RPN2: variants seen among roughly 807,000 people sequenced by gnomAD.
The protein encoded by RPN2 is dolichyl-diphosphooligosaccharide--protein glycosyltransferase subunit 2.
RPN2 carries 29 observed loss-of-function variants against 71.4 expected under a neutral mutation model. The ratio of observed to expected loss-of-function variants is 0.41; its 90% CI spans 0.30 to 0.55. The LOEUF is 0.55. Ranked by LOEUF, RPN2 falls within the 20% of genes least tolerant of loss-of-function variation. The pLI, the probability that RPN2 is intolerant of heterozygous loss-of-function variation, is 0.35. For missense variants in RPN2, 726 were observed against 774.1 expected (o/e 0.94, Z 0.74); for synonymous variants, 308 against 305.0 (o/e 1.01, Z -0.10).
Position 37,199,036 on chromosome 20 carries a change from C to T in RPN2, c.304-14C>T. On this transcript the variant is annotated splice_polypyrimidine_tract_variant and intron_variant, in intron 3 of 16. Coordinates refer to ENST00000237530, the MANE Select transcript of RPN2 (RefSeq NM_002951.5). ...ACCTGTTCTAAAACTCTGTGTCTGC[C>T]AATTCTTTCTTAGATCTCTATTTCA... The T allele has an allele frequency of 6.2e-7, 1 of 1,608,798 alleles. No homozygotes were observed. The highest frequency in any genetic ancestry group is 8.5e-7 in the Non-Finnish European group (1 of 1,175,486).
In RPN2 at chr20:37,187,394, T is replaced by C. The variant is rs1782146910; in HGVS notation, c.207+3021T>C. ...GCGGGCGCCTGTAGTCCCAGCTACTTGGGAGGCTGAGGCAGGAGAATGGCG... is the reference window on the plus strand; with the variant it reads ...GCGGGCGCCTGTAGTCCCAGCTACTCGGGAGGCTGAGGCAGGAGAATGGCG... On this transcript the variant is annotated intron_variant, in intron 2 of 16. Transcript: ENST00000237530. 7.4e-5 allele frequency among the ~76,000 whole-genome samples: 3 copies of C among 40,704 alleles called. 1 individual carries two copies. In the Admixed American group the frequency reaches 7.6e-4, roughly 10 times the overall value. The allele number at this position is 40,704 out of a possible 152,430, so 26.7% of individuals were successfully genotyped here. A position where few individuals can be genotyped will look rare whatever the true frequency, so the allele number is the denominator to read the frequency against.
chr20:37,238,277 A>G (rs1332209530), intron 16 of RPN2: 4 of 774,576 alleles, frequency 5.2e-6, no homozygotes, highest in Non-Finnish European at 9.1e-6. Flanking sequence ...CCTAGAATGA[A>G]CTCTACCCTG....
intron 4 of RPN2, among the ~76,000 whole-genome samples, chr20:37,202,414 A>T (rs1305521651): frequency 2.6e-5 from 4 of 152,194 alleles, no homozygotes; most frequent in African/African-American, 9.7e-5. Flanking sequence ...TGTTCTTGAC[A>T]TAAGCAGACA....
chr20:37,241,167 A>T, intron 16 of RPN2, 136 bp from the exon 17 acceptor site: 1 of 976,716 alleles, frequency 1.0e-6, no homozygotes, highest in African/African-American at 1.6e-5. Context: ...TAGACTTGGG[A>T]GATAAATGAT....
intron 9 of RPN2, among the ~76,000 whole-genome samples, chr20:37,216,771 CTT>C (rs1342978205): frequency 6.6e-6 from 1 of 152,088 alleles, no homozygotes; most frequent in African/African-American, 2.4e-5. Context: ...CCTCCAGTGT[CTT>C]TTGAACATTT....
intron 2 of RPN2, among the ~76,000 whole-genome samples, chr20:37,190,789 C>G (rs929166265): frequency 6.6e-6 from 1 of 152,188 alleles, no homozygotes; most frequent in Non-Finnish European, 1.5e-5. Flanking sequence ...ATACTCCATT[C>G]TAATTGCTTA....
intron 2 of RPN2, among the ~76,000 whole-genome samples, chr20:37,195,008 T>G (rs1453180881): frequency 6.6e-6 from 1 of 152,148 alleles, no homozygotes; most frequent in Non-Finnish European, 1.5e-5. Flanking sequence ...AAACCTATGA[T>G]GGAAGAAAGC....
intron 9 of RPN2, among the ~76,000 whole-genome samples, 174 bp downstream of exon 9, chr20:37,214,039 G>A (rs1484952515): frequency 6.6e-6 from 1 of 152,180 alleles, no homozygotes; most frequent in African/African-American, 2.4e-5. Context: ...AGTAGCTAAG[G>A]CAGTAAATCA....
intron 16 of RPN2, among the ~76,000 whole-genome samples, chr20:37,241,015 AC>A (rs1365005698): frequency 6.6e-6 from 1 of 152,180 alleles, no homozygotes; most frequent in African/African-American, 2.4e-5. Flanking sequence ...GCCTGGAATT[AC>A]CTCATCTCCT....
chr20:37,241,567 T>G lies in RPN2; in HGVS notation c.*252T>G, dbSNP rs1047599581. 3.7e-6 allele frequency: 2 copies of G among 542,904 alleles called. No individual in the cohort carries two copies. Among genetic ancestry groups the G allele is most frequent in the African/African-American group, 3.8e-5 (2 of 52,450 alleles). 33.6% of individuals were successfully genotyped at this position (542,904 alleles called of 1,614,324 possible). A position where few individuals can be genotyped will look rare whatever the true frequency, so the allele number is the denominator to read the frequency against. ...TTCCTAACTTACCCAGATGTTGCTT[T>G]TGAAAAGTTGAAATGTGTAATTGTT... On this transcript the variant is annotated 3_prime_UTR_variant, in exon 17 of 17. Coordinates refer to ENST00000237530, the MANE Select transcript of RPN2 (RefSeq NM_002951.5).
chr20:37,187,780 A>G (rs999365236), intron 2 of RPN2, among the ~76,000 whole-genome samples: 8 of 152,026 alleles, frequency 5.3e-5, no homozygotes, highest in Admixed American at 4.6e-4. Flanking sequence ...AGCTGGGATT[A>G]CAGACGCGCA....
chr20:37,193,239 C>T (rs1031709417), intron 2 of RPN2, among the ~76,000 whole-genome samples: 3 of 152,172 alleles, frequency 2.0e-5, no homozygotes, highest in Admixed American at 6.6e-5. Flanking sequence ...TGTTGTGTAT[C>T]CCCAGTTCCT....
At chr20:37,237,448 C>T (rs2068429642) in intron 16 of RPN2, among the ~76,000 whole-genome samples, 1 of 152,224 alleles carries the variant, frequency 6.6e-6, no homozygotes, top group South Asian at 2.1e-4. Context: ...AGATGTGCCG[C>T]TTTCTTCTAT....
chr20:37,180,440 G>A (rs1283395208), intron 1 of RPN2, among the ~76,000 whole-genome samples: 2 of 152,194 alleles, frequency 1.3e-5, no homozygotes, highest in Non-Finnish European at 2.9e-5. Context: ...CATAGCGTGG[G>A]CATACCTAAC....
chr20:37,212,738 C>G (rs1021500582), intron 8 of RPN2, among the ~76,000 whole-genome samples: 1 of 152,040 alleles, frequency 6.6e-6, no homozygotes, highest in Non-Finnish European at 1.5e-5. Context: ...GCCTTGGCCT[C>G]CGAAAGGGCC....
chr20:37,234,685 G>GTTTT (rs113523661), intron 15 of RPN2, among the ~76,000 whole-genome samples: 4 of 145,786 alleles, frequency 2.7e-5, no homozygotes, highest in South Asian at 2.1e-4. Context: ...TTTGTTCGTT[G>GTTTT]TTTTTTTTTT....
chr20:37,226,552 A>G (rs780332767), intron 11 of RPN2, among the ~76,000 whole-genome samples: 9 of 152,194 alleles, frequency 5.9e-5, no homozygotes, highest in Non-Finnish European at 1.3e-4. Flanking sequence ...AAATAAGGGA[A>G]TATACTGAAA....
intron 9 of RPN2, among the ~76,000 whole-genome samples, chr20:37,217,272 ATATTAT>A (rs751816144): frequency 7.9e-5 from 7 of 89,040 alleles, no homozygotes; most frequent in South Asian, 7.7e-4. Context: ...TGAAAACTAA[ATATTAT>A]TATTATTATT....
intron 7 of RPN2, among the ~76,000 whole-genome samples, chr20:37,207,921 G>A (rs1366801046): frequency 2.6e-5 from 4 of 152,056 alleles, no homozygotes; most frequent in Non-Finnish European, 5.9e-5. Flanking sequence ...GCCTCCCAAA[G>A]TGCTGAGATT....
Sources: gnomAD v4.1 joint callset for allele counts (sites outside exome capture counted in the v4.1 genomes callset) on GRCh38, gnomAD v4.1.1 for gene constraint, MANE v1.5 for transcripts, NCBI Gene and HGNC (gene_info 2026-07-23, HGNC 2026-07-21) for gene names.